MPRIP: variants seen among roughly 807,000 people sequenced by gnomAD.
MPRIP encodes myosin phosphatase Rho interacting protein.
A neutral mutation model predicts 234.9 loss-of-function variants in MPRIP; 59 were observed. That is an observed-to-expected ratio of 0.25 (90% confidence interval 0.20 to 0.31). MPRIP has a LOEUF of 0.31. Ranked by LOEUF, MPRIP falls within the 10% of genes least tolerant of loss-of-function variation. MPRIP has a pLI of 1.00. For missense variants in MPRIP, 2,436 were observed against 3,071.0 expected (o/e 0.79, Z 4.89); for synonymous variants, 1,144 against 1,263.9 (o/e 0.91, Z 2.01).
In MPRIP at chr17:17,164,487, C is replaced by T. The variant is rs2045939397; in HGVS notation, c.2896C>T (p.Leu966=). The change falls in exon 16 of 24, where the codon CTG becomes TTG. Residue 966 remains leucine, a synonymous_variant. Transcript: ENST00000651222. ...EQKLKSAEAL[L]LEKTQELRGL... ...GAAGCTCAAGAGTGCTGAGGCCCTGCTGCTGGAGAAGACGCAGGAGCTACG... is the reference window on the plus strand; with the variant it reads ...GAAGCTCAAGAGTGCTGAGGCCCTGTTGCTGGAGAAGACGCAGGAGCTACG... 16 of 1,214,134 alleles carry T rather than the reference C, an allele frequency of 1.3e-5. No individual in the cohort carries two copies. Among genetic ancestry groups the T allele is most frequent in the Non-Finnish European group, 1.7e-5 (16 of 951,956 alleles). The allele number at this position is 1,214,134 out of a possible 1,614,324, so 75.2% of individuals were successfully genotyped here. A position where few individuals can be genotyped will look rare whatever the true frequency, so the allele number is the denominator to read the frequency against.
intron 3 of MPRIP, among the ~76,000 whole-genome samples, chr17:17,123,871 A>G (rs962453668): frequency 2.6e-5 from 4 of 151,914 alleles, no homozygotes; most frequent in Non-Finnish European, 4.4e-5. Flanking sequence ...ATTTACCCCC[A>G]TTTGCTCTCC....
intron 3 of MPRIP, among the ~76,000 whole-genome samples, chr17:17,082,295 T>C (rs1206205604): frequency 1.4e-5 from 2 of 137,988 alleles, no homozygotes; most frequent in Non-Finnish European, 3.1e-5. Context: ...ATTTTTTTTT[T>C]TTTTTTTTTT....
chr17:17,173,121 C>CCTGCTA (rs2046180885), intron 18 of MPRIP, among the ~76,000 whole-genome samples: 1 of 152,368 alleles, frequency 6.6e-6, no homozygotes, highest in Admixed American at 6.5e-5. Flanking sequence ...CGACAGCTGC[C>CCTGCTA]CTGCTAGCCC....
intron 3 of MPRIP, among the ~76,000 whole-genome samples, chr17:17,100,065 G>A (rs147369506): frequency 1.9e-3 from 292 of 152,296 alleles, no homozygotes; most frequent in African/African-American, 6.4e-3. Context: ...CCACCTTTTG[G>A]AGGTCCTTTG....
At chr17:17,168,092 G>C in intron 16 of MPRIP, 177 bp downstream of exon 16, 1 of 450,112 alleles carries the variant, frequency 2.2e-6, no homozygotes, top group South Asian at 2.0e-5. Context: ...CCTCTTGTTC[G>C]GCATCCCCCA....
rs745322999 is a variant in MPRIP, at chr17:17,143,538, G to A, written c.1390-18G>A. On this transcript the variant is annotated intron_variant, in intron 8 of 23. Transcript: ENST00000651222. ...ATTGCCCTGGGCTGCACTGACCAGC[G>A]GCTGCTCTCTGCCACAGGACTTCAC... 7 of 1,554,040 alleles carry A rather than the reference G, an allele frequency of 4.5e-6. No individual in the cohort carries two copies. Among genetic ancestry groups the A allele is most frequent in the South Asian group, 1.2e-5 (1 of 84,726 alleles).
intron 4 of MPRIP, among the ~76,000 whole-genome samples, chr17:17,130,698 C>T (rs1296907219): frequency 6.6e-6 from 1 of 152,122 alleles, no homozygotes; most frequent in Non-Finnish European, 1.5e-5. Flanking sequence ...GACACTAGGG[C>T]TGCCCTTGCA....
chr17:17,163,569 C>T (rs1485327233), intron 15 of MPRIP, among the ~76,000 whole-genome samples: 1 of 152,134 alleles, frequency 6.6e-6, no homozygotes, highest in East Asian at 1.9e-4. Context: ...CTACACTTTC[C>T]ACAGGAAAAT....
In MPRIP at chr17:17,136,531, G is replaced by T. The variant is rs2090703842; in HGVS notation, c.736+81G>T. 6 of 1,352,674 alleles carry T rather than the reference G, an allele frequency of 4.4e-6. No individual in the cohort carries two copies. In the East Asian group the frequency reaches 1.5e-4, roughly 34 times the overall value. The allele number at this position is 1,352,674 out of a possible 1,614,324, so 83.8% of individuals were successfully genotyped here. On this transcript the variant is annotated intron_variant, in intron 6 of 23. Coordinates refer to ENST00000651222, the MANE Select transcript of MPRIP (RefSeq NM_001364716.4). ...AGCTGGCCCTGGGGATTCAGCCAAG[G>T]CCTGTAGAGCCCAGTCGCAAGCCTG... is the stretch of plus-strand genomic sequence containing the variant.
chr17:17,158,796 A>G lies in MPRIP; in HGVS notation c.2194A>G (p.Met732Val), dbSNP rs2045795240. Residue 732 changes from methionine (M) to valine (V), a missense_variant, in exon 14 of 24, where the codon ATG (methionine) becomes GTG (valine). By Grantham distance (21) the Met-to-Val change is conservative. This residue lies in a region of MPRIP where 1,998 missense variants were observed against 2,520.3 expected (regional missense o/e 0.79). Coordinates refer to ENST00000651222, the MANE Select transcript of MPRIP (RefSeq NM_001364716.4). ...AGGCACTGAGGATGCAGCCCTGCGCATGGAGGTGGACCGGAGCCCAGGGCT... is the reference window on the plus strand; with the variant it reads ...AGGCACTGAGGATGCAGCCCTGCGCGTGGAGGTGGACCGGAGCCCAGGGCT... ...GPGTEDAALR[M>V]EVDRSPGLPM... The G allele has an allele frequency of 1.9e-6, 3 of 1,611,664 alleles. No individual in the cohort carries two copies. The highest frequency in any genetic ancestry group is 2.5e-6 in the Non-Finnish European group (3 of 1,179,894).
chr17:17,062,930 G>C (rs2088910579), intron 1 of MPRIP, among the ~76,000 whole-genome samples: 1 of 152,210 alleles, frequency 6.6e-6, no homozygotes, highest in Non-Finnish European at 1.5e-5. Context: ...TGCCAGCTTT[G>C]TCCACACCCT....
In MPRIP at chr17:17,146,085, A is replaced by G; in HGVS notation, c.1553A>G (p.Asp518Gly). The change falls in exon 10 of 24, where the codon GAC becomes GGC. Residue 518 changes from aspartate (D) to glycine (G), a missense_variant. By Grantham distance (94) the Asp-to-Gly change is moderately conservative. This residue lies in a region of MPRIP where 1,998 missense variants were observed against 2,520.3 expected (regional missense o/e 0.79). Transcript: ENST00000651222. Reference sequence around the variant, plus strand: ...GGCTGGCTGACTAAGCAGTATGAGGACGGCCAGGTGAGTGTGCAGGGTTGC... The same window carrying G: ...GGCTGGCTGACTAAGCAGTATGAGGGCGGCCAGGTGAGTGTGCAGGGTTGC... ...KKGWLTKQYE[D>G]GQWKKHWFVL... 1 of 1,613,988 alleles carries G rather than the reference A, an allele frequency of 6.2e-7. No individual in the cohort carries two copies. The highest frequency in any genetic ancestry group is 8.5e-7 in the Non-Finnish European group (1 of 1,180,004).
intron 1 of MPRIP, among the ~76,000 whole-genome samples, chr17:17,051,755 T>G (rs1420973197): frequency 1.3e-5 from 2 of 152,216 alleles, no homozygotes; most frequent in East Asian, 3.9e-4. Context: ...TGACATTTTG[T>G]CTCTGGAAGC....
At chr17:17,125,909 G>C (rs1350215754) in intron 3 of MPRIP, among the ~76,000 whole-genome samples, 5 of 152,338 alleles carry the variant, frequency 3.3e-5, no homozygotes, top group Admixed American at 2.6e-4. Context: ...GGCACCCCTG[G>C]TGTGGTGGTA....
At chr17:17,147,249 C>T (rs2045488760) in intron 10 of MPRIP, 70 bp from the exon 11 acceptor site, 1 of 1,478,844 alleles carries the variant, frequency 6.8e-7, no homozygotes, top group African/African-American at 1.4e-5. Flanking sequence ...TGGCTGCGCA[C>T]CGCCGTGGCG....
chr17:17,089,306 CT>C (rs2089661416), intron 3 of MPRIP, among the ~76,000 whole-genome samples: 1 of 152,206 alleles, frequency 6.6e-6, no homozygotes, highest in African/African-American at 2.4e-5. Context: ...GGAGAATCCC[CT>C]CTCCACTGTT....
rs923839245 is a variant in MPRIP, at chr17:17,167,636, G to A, written c.6045G>A (p.Glu2015=). The A allele has an allele frequency of 5.4e-6, 7 of 1,304,186 alleles. No homozygotes were observed. The Admixed American group carries it at 6.9e-5, about 13-fold the overall frequency. 80.8% of individuals were successfully genotyped at this position (1,304,186 alleles called of 1,614,324 possible). A position where few individuals can be genotyped will look rare whatever the true frequency, so the allele number is the denominator to read the frequency against. Residue 2015 remains glutamate, a synonymous_variant, in exon 16 of 24, where the codon GAG becomes GAA. Transcript: ENST00000651222. The surrounding 1 kb of genome is among the most constrained non-coding windows in gnomAD (Gnocchi z 5.9). ...KVRELQTIHE[E]ELRTLQEHYS... is the part of the protein sequence containing the mutation. ...GGGAGCTGCAGACGATCCACGAGGA[G>A]GAGCTGAGGACCCTGCAGGAGCACT... is the stretch of plus-strand genomic sequence containing the variant.
rs144748621 is a variant in MPRIP at position 17,126,802 on chromosome 17, C to T, written c.368C>T (p.Thr123Met). ...CAGAAGTTCTCCCTGTGTATTCTGA[C>T]GCCTGAGAAGGAGCATTTCATCCGG... ...TGQKFSLCIL[T>M]PEKEHFIRAE... Residue 123 changes from threonine (T) to methionine (M), a missense_variant, in exon 4 of 24, where the codon ACG (threonine) becomes ATG (methionine). Physicochemically the swap from Thr to Met is moderately conservative, Grantham distance 81. Around this residue, in one of 4 missense-constraint regions of MPRIP, gnomAD observed 140 missense variants for 207.3 expected, o/e 0.68. Transcript: ENST00000651222. 1,048 of 1,614,086 alleles carry T rather than the reference C, an allele frequency of 6.5e-4. No homozygotes were observed. Among genetic ancestry groups the T allele is most frequent in the Non-Finnish European group, 8.4e-4 (997 of 1,180,036 alleles).
chr17:17,138,223 C>CACTAGGGGGCGGGGGACAGAGAG lies in MPRIP; in HGVS notation c.1048_1070dup (p.Ser359GlyfsTer71). The stretch of plus-strand genomic sequence containing the variant: ...CACCTGCCTACGTGGACTCTGGCAG[C>CACTAGGGGGCGGGGGACAGAGAG]ACTAGGGGGCGGGGGACAGAGAGAC... On this transcript the variant is annotated frameshift_variant, in exon 7 of 24. Coordinates refer to ENST00000651222, the MANE Select transcript of MPRIP (RefSeq NM_001364716.4). LOFTEE classifies it high-confidence loss of function. The surrounding 1 kb of genome is among the most constrained non-coding windows in gnomAD (Gnocchi z 5.8). 1.5e-6 allele frequency: 1 copy of CACTAGGGGGCGGGGGACAGAGAG among 686,580 alleles called. No homozygotes were observed. Among genetic ancestry groups the CACTAGGGGGCGGGGGACAGAGAG allele is most frequent in the Non-Finnish European group, 2.3e-6 (1 of 429,432 alleles). 42.5% of individuals were successfully genotyped at this position (686,580 alleles called of 1,614,324 possible).
Sources: allele counts gnomAD v4.1 joint callset (sites outside exome capture counted in the v4.1 genomes callset), GRCh38; gene constraint gnomAD v4.1.1; regional missense constraint gnomAD v4.1.1; non-coding constraint Gnocchi (gnomAD v3.1); transcripts MANE v1.5; gene names NCBI Gene and HGNC (gene_info 2026-07-23, HGNC 2026-07-21).